The following TXNRD1 variants were observed in gnomAD, a reference collection of about 807,000 sequenced individuals.
TXNRD1 encodes the protein thioredoxin reductase 1.
TXNRD1 carries 57 observed loss-of-function variants against 80.3 expected under a neutral mutation model. The observed-to-expected ratio is 0.71, with a 90% CI of 0.57 to 0.89. The LOEUF (loss-of-function observed/expected upper bound fraction) is 0.89. TXNRD1 is among the 40% of genes least tolerant of loss of function. The pLI, the probability that TXNRD1 is intolerant of heterozygous loss-of-function variation, is 0.00. For missense variants in TXNRD1, 730 were observed against 803.0 expected (o/e 0.91, Z 1.10); for synonymous variants, 291 against 285.2 (o/e 1.02, Z -0.20).
At chr12:104,319,197 AT>A (rs1164694183) in intron 8 of TXNRD1, 142 bp downstream of exon 8, 3 of 1,101,444 alleles carry the variant, frequency 2.7e-6, no homozygotes, top group African/African-American at 3.2e-5. Flanking sequence ...TTGCTATCAT[AT>A]CATCCTATGG....
intron 1 of TXNRD1, among the ~76,000 whole-genome samples, chr12:104,250,056 A>G (rs915411849): frequency 3.9e-5 from 6 of 152,098 alleles, no homozygotes; most frequent in Non-Finnish European, 8.8e-5. Flanking sequence ...ATATCAGTCT[A>G]GGTGTAGTGA....
chr12:104,338,180 G>A (rs536970096), intron 15 of TXNRD1, among the ~76,000 whole-genome samples: 8 of 151,932 alleles, frequency 5.3e-5, no homozygotes, highest in Admixed American at 1.3e-4. Context: ...AATACAGGAC[G>A]TGAGGACACC....
chr12:104,294,453 C>A (rs968338892), intron 4 of TXNRD1, among the ~76,000 whole-genome samples: 1 of 152,014 alleles, frequency 6.6e-6, no homozygotes, highest in Non-Finnish European at 1.5e-5. Flanking sequence ...CCCTCAGCTC[C>A]TATCTCTGTA....
At chr12:104,265,495 T>A in intron 3 of TXNRD1, 2 of 1,610,590 alleles carry the variant, frequency 1.2e-6, no homozygotes, top group Non-Finnish European at 1.7e-6. Flanking sequence ...GGAGATTGTC[T>A]ACTGTGGGCA....
intron 3 of TXNRD1, among the ~76,000 whole-genome samples, chr12:104,265,989 T>G (rs1179570243): frequency 2.0e-5 from 3 of 152,106 alleles, no homozygotes. Context: ...AATAATAGGT[T>G]TTTAAAAATC....
At chr12:104,278,203 T>C (rs2033798229) in intron 3 of TXNRD1, among the ~76,000 whole-genome samples, 1 of 12,722 alleles carries the variant, frequency 7.9e-5, no homozygotes, top group Non-Finnish European at 1.7e-4. Context: ...TTTTTTTTTT[T>C]TTTTTTTTTT....
intron 12 of TXNRD1, 37 bp downstream of exon 12, chr12:104,326,460 A>ATT (rs371884469): frequency 0.24 from 127,765 of 526,328 alleles, 9,308 homozygotes; most frequent in Admixed American, 0.3. Flanking sequence ...TATTTGTGGG[A>ATT]TTTTTTTTTT....
rs754421133 is a variant in TXNRD1, at chr12:104,318,944, T to C, written c.762T>C (p.Ala254=). Residue 254 remains alanine, a synonymous_variant, in exon 8 of 17, where the codon GCT becomes GCC. Transcript: ENST00000525566. The part of the protein sequence containing the change: ...VKHDWDRMIE[A]VQNHIGSLNW... ...ATGATTGGGACAGAATGATAGAAGC[T>C]GTACAGAATCACATTGGCTCTTTGA... 1.5e-5 allele frequency: 24 copies of C among 1,613,626 alleles called. No homozygotes were observed. The highest frequency in any genetic ancestry group is 1.9e-5 in the Non-Finnish European group (22 of 1,179,828).
At chr12:104,303,240 A>G (rs1231849584) in intron 4 of TXNRD1, among the ~76,000 whole-genome samples, 1 of 152,192 alleles carries the variant, frequency 6.6e-6, no homozygotes, top group Non-Finnish European at 1.5e-5. Context: ...GGTTTTTAAG[A>G]GGACATGTGA....
chr12:104,290,403 C>T (rs1238756062), intron 4 of TXNRD1, among the ~76,000 whole-genome samples: 4 of 151,858 alleles, frequency 2.6e-5, no homozygotes, highest in South Asian at 2.1e-4. Flanking sequence ...TATTAATATT[C>T]CTTCCTGGCC....
At chr12:104,291,782 C>T (rs1419850278) in intron 4 of TXNRD1, among the ~76,000 whole-genome samples, 2 of 152,108 alleles carry the variant, frequency 1.3e-5, no homozygotes, top group African/African-American at 4.8e-5. Flanking sequence ...GGGCCCAGCC[C>T]TATTTTTGTT....
At chr12:104,289,452 C>G (rs536145183) in intron 4 of TXNRD1, 1 of 159,720 alleles carries the variant, frequency 6.3e-6, no homozygotes, top group Admixed American at 6.0e-5. Context: ...TAATCTTCCT[C>G]TTAATTCTCT....
chr12:104,309,366 A>C (rs1454002163), intron 4 of TXNRD1, among the ~76,000 whole-genome samples: 1 of 152,228 alleles, frequency 6.6e-6, no homozygotes, highest in Non-Finnish European at 1.5e-5. Flanking sequence ...AACCAGGAGA[A>C]GCCAGGTTAC....
At chr12:104,265,276 T>A (rs2033453453) in intron 3 of TXNRD1, 1 of 1,545,026 alleles carries the variant, frequency 6.5e-7, no homozygotes, top group Non-Finnish European at 8.7e-7. Context: ...AAAACTTCCT[T>A]TTGCGGGTGG....
intron 4 of TXNRD1, chr12:104,309,855 T>C (rs1305534017): frequency 1.3e-6 from 2 of 1,535,570 alleles, no homozygotes; most frequent in African/African-American, 1.4e-5. Flanking sequence ...GTGCAGACTG[T>C]CAGAGTGGTG....
intron 1 of TXNRD1, among the ~76,000 whole-genome samples, chr12:104,248,494 G>A (rs1047523008): frequency 2.0e-5 from 3 of 152,074 alleles, no homozygotes; most frequent in Admixed American, 6.6e-5. Flanking sequence ...CATGTTGGTC[G>A]GGCTGGTCTC....
intron 1 of TXNRD1, among the ~76,000 whole-genome samples, chr12:104,249,597 A>G (rs2033067941): frequency 1.3e-5 from 2 of 152,206 alleles, no homozygotes; most frequent in Admixed American, 6.6e-5. Flanking sequence ...TTATAAAATA[A>G]TACATGTTCA....
At position 104,319,041 on chromosome 12, in the gene TXNRD1, C is replaced by A; in HGVS notation, c.859C>A (p.Pro287Thr). Reference sequence around the variant, plus strand: ...GAATGCTTATGGGCAATTTATTGGTCCTCACAGGATTAAGGTAATTGTGTG... The same window carrying A: ...GAATGCTTATGGGCAATTTATTGGTACTCACAGGATTAAGGTAATTGTGTG... ...YENAYGQFIG[P>T]HRIKATNNKG... The change falls in exon 8 of 17, where the codon CCT becomes ACT. Residue 287 changes from proline (P) to threonine (T), a missense_variant. Physicochemically the swap from Pro to Thr is conservative, Grantham distance 38. Coordinates refer to ENST00000525566, the MANE Select transcript of TXNRD1 (RefSeq NM_001093771.3). 6.2e-7 allele frequency: 1 copy of A among 1,613,090 alleles called. No individual in the cohort carries two copies. The highest frequency in any genetic ancestry group is 1.1e-5 in the South Asian group (1 of 90,890).
chr12:104,260,408 G>T (rs780749746), intron 3 of TXNRD1, among the ~76,000 whole-genome samples: 1 of 152,160 alleles, frequency 6.6e-6, no homozygotes, highest in African/African-American at 2.4e-5. Flanking sequence ...CAGAGGTTGC[G>T]GTGAGCCAAG....
Sources: gnomAD v4.1 joint callset for allele counts (sites outside exome capture counted in the v4.1 genomes callset) on GRCh38, gnomAD v4.1.1 for gene constraint, MANE v1.5 for transcripts, NCBI Gene and HGNC (gene_info 2026-07-23, HGNC 2026-07-21) for gene names.